The following WDR19 variants were observed in gnomAD, a reference collection of about 807,000 sequenced individuals.
WDR19 encodes the protein WD repeat-containing protein 19.
Under a neutral mutation model 180.0 loss-of-function variants are expected in WDR19, and 121 were observed. The ratio of observed to expected loss-of-function variants is 0.67; its 90% CI spans 0.58 to 0.78. The LOEUF (loss-of-function observed/expected upper bound fraction) is 0.78, where lower values mean the gene tolerates loss of function less well. Ranked by LOEUF, WDR19 falls within the 30% of genes least tolerant of loss-of-function variation. The probability of loss-of-function intolerance (pLI) is 0.00; values close to 1 mark genes in which losing one functional copy is unlikely to be tolerated. For missense variants in WDR19, 1,450 were observed against 1,640.7 expected, an observed-to-expected ratio of 0.88 and a Z score of 2.01; for synonymous variants, 497 against 540.7, an observed-to-expected ratio of 0.92 and a Z score of 1.12.
At chr4:39,227,144 T>C (rs1404311331) in intron 15 of WDR19, among the ~76,000 whole-genome samples, 1 of 152,220 alleles carries the variant, frequency 6.6e-6, no homozygotes, top group Admixed American at 6.6e-5. Context: ...CTTGGCACAT[T>C]TCAGTGCTTA....
At position 39,205,272 on chromosome 4, in the gene WDR19, T is replaced by C. The variant is rs1179554704; in HGVS notation, c.716+6T>C. On this transcript the variant is annotated splice_donor_region_variant and intron_variant, in intron 8 of 36. Coordinates refer to ENST00000399820, the MANE Select transcript of WDR19 (RefSeq NM_025132.4). ...AACATTGTCTGCTATAATTGGTATGTCTGCTATAACTGGTATGTACAAAAA... is the reference window on the plus strand; with the variant it reads ...AACATTGTCTGCTATAATTGGTATGCCTGCTATAACTGGTATGTACAAAAA... 3 of 1,577,600 alleles carry C rather than the reference T, an allele frequency of 1.9e-6. No individual in the cohort carries two copies. The African/African-American group carries it at 4.0e-5, about 21-fold the overall frequency.
At chr4:39,243,478 C>T (rs1395386743) in intron 21 of WDR19, among the ~76,000 whole-genome samples, 1 of 152,132 alleles carries the variant, frequency 6.6e-6, no homozygotes, top group Non-Finnish European at 1.5e-5. Flanking sequence ...ATTGTCTGGT[C>T]ATGTCCTTTG....
chr4:39,230,993 G>A (rs1411438611), intron 17 of WDR19, among the ~76,000 whole-genome samples: 1 of 152,116 alleles, frequency 6.6e-6, no homozygotes, highest in Non-Finnish European at 1.5e-5. Flanking sequence ...GTTGTAGCAG[G>A]AAAGTGGCCA....
chr4:39,261,227 G>T (rs781716707), intron 28 of WDR19, among the ~76,000 whole-genome samples: 1 of 150,736 alleles, frequency 6.6e-6, no homozygotes, highest in African/African-American at 2.4e-5. Context: ...CCTGACCTCC[G>T]GTGATCCACC....
intron 30 of WDR19, among the ~76,000 whole-genome samples, chr4:39,269,265 T>G (rs6531700): frequency 0.51 from 76,765 of 151,824 alleles, 20,774 homozygotes; most frequent in African/African-American, 0.71. Flanking sequence ...TGACCTTGAG[T>G]TGTTTGGGTG....
At chr4:39,203,881 G>C (rs1249634864) in intron 7 of WDR19, among the ~76,000 whole-genome samples, 159 bp downstream of exon 7, 1 of 152,164 alleles carries the variant, frequency 6.6e-6, no homozygotes, top group African/African-American at 2.4e-5. Context: ...CCTAAAAGTT[G>C]TTGTAATTGC....
intron 14 of WDR19, among the ~76,000 whole-genome samples, chr4:39,222,573 AT>A (rs761451041): frequency 2.6e-5 from 4 of 152,192 alleles, no homozygotes; most frequent in Non-Finnish European, 5.9e-5. Context: ...ATTGAGTTAA[AT>A]TTTGTTTATG....
chr4:39,255,985 C>T (rs375892485), intron 27 of WDR19, 25 bp downstream of exon 27: 8 of 1,096,334 alleles, frequency 7.3e-6, no homozygotes, highest in South Asian at 1.4e-5. Flanking sequence ...AGAAAATATA[C>T]ACTGACTCCG....
At chr4:39,265,473 T>G (rs1734697303) in intron 28 of WDR19, among the ~76,000 whole-genome samples, 1 of 151,950 alleles carries the variant, frequency 6.6e-6, no homozygotes, top group Non-Finnish European at 1.5e-5. Context: ...TTAAGAAAGT[T>G]TTTATTAAAA....
chr4:39,201,341 C>T (rs1005392994), intron 6 of WDR19, among the ~76,000 whole-genome samples: 2 of 152,120 alleles, frequency 1.3e-5, no homozygotes, highest in Admixed American at 1.3e-4. Flanking sequence ...TTTATTATTT[C>T]CCTTCATATC....
Position 39,245,432 on chromosome 4 carries a change from A to C in WDR19, c.2709A>C (p.Lys903Asn), listed in dbSNP as rs1394903886. The change falls in exon 24 of 37, where the codon AAA becomes AAC. Residue 903 changes from lysine (K) to asparagine (N), a missense_variant. Physicochemically the swap from Lys to Asn is moderately conservative, Grantham distance 94. Coordinates refer to ENST00000399820, the MANE Select transcript of WDR19 (RefSeq NM_025132.4). ...SSPKIHLQYA[K>N]AKEADGRYKE... The stretch of plus-strand genomic sequence containing the variant: ...CTAAGATCCATTTGCAGTATGCCAA[A>C]GCCAAGGAAGCAGATGGAAGGTTTG... 1 of 1,613,768 alleles carries C rather than the reference A, an allele frequency of 6.2e-7. No individual in the cohort carries two copies. The highest frequency in any genetic ancestry group is 1.3e-5 in the African/African-American group (1 of 75,058).
At chr4:39,194,711 G>C in intron 5 of WDR19, 52 bp downstream of exon 5, 2 of 1,374,324 alleles carry the variant, frequency 1.5e-6, no homozygotes, top group South Asian at 1.3e-5. Context: ...CTACCTCAAT[G>C]TAAATTCTGC....
intron 6 of WDR19, 80 bp downstream of exon 6, chr4:39,199,673 T>C: frequency 1.7e-6 from 2 of 1,164,728 alleles, no homozygotes; most frequent in Non-Finnish European, 1.2e-6. Context: ...AACTAATCTA[T>C]ACAATTTTTA....
At chr4:39,222,693 C>A (rs1729820792) in intron 14 of WDR19, among the ~76,000 whole-genome samples, 1 of 152,148 alleles carries the variant, frequency 6.6e-6, no homozygotes, top group South Asian at 2.1e-4. Flanking sequence ...CAAAATGTTA[C>A]CTTTTTTTAA....
chr4:39,228,399 T>C lies in WDR19; in HGVS notation c.1777+42T>C, dbSNP rs747582039. 3 of 1,602,790 alleles carry C rather than the reference T, an allele frequency of 1.9e-6. No individual in the cohort carries two copies. In the South Asian group the frequency reaches 3.3e-5, roughly 18 times the overall value. ...GTGTATATTCGCTGACAGATGAATT[T>C]CCCATTGCAGTAAAATTAAAACATT... On this transcript the variant is annotated intron_variant, in intron 16 of 36. Coordinates refer to ENST00000399820, the MANE Select transcript of WDR19 (RefSeq NM_025132.4).
At chr4:39,187,086 T>A (rs1324341470) in intron 3 of WDR19, among the ~76,000 whole-genome samples, 2 of 152,182 alleles carry the variant, frequency 1.3e-5, no homozygotes, top group Non-Finnish European at 2.9e-5. Flanking sequence ...GTGTAATCAC[T>A]ACCTATATTA....
intron 24 of WDR19, among the ~76,000 whole-genome samples, chr4:39,251,717 C>T (rs1733209762): frequency 6.6e-6 from 1 of 152,070 alleles, no homozygotes; most frequent in Admixed American, 6.6e-5. Flanking sequence ...AGACACTTCT[C>T]AAAAGAAGAC....
chr4:39,182,586 G>A, intron 1 of WDR19, 23 bp downstream of exon 1: 1 of 1,613,666 alleles, frequency 6.2e-7, no homozygotes, highest in Non-Finnish European at 8.5e-7. Flanking sequence ...CAAATTCCCG[G>A]GGTGGGGCGG....
At chr4:39,220,580 TTTTTG>T (rs1237611399) in intron 14 of WDR19, among the ~76,000 whole-genome samples, 2 of 140,108 alleles carry the variant, frequency 1.4e-5, no homozygotes, top group African/African-American at 5.4e-5. Context: ...TTTTTTTTTT[TTTTTG>T]AGACAGAGTC....
Sources: gnomAD v4.1 joint callset for allele counts (sites outside exome capture counted in the v4.1 genomes callset) on GRCh38, gnomAD v4.1.1 for gene constraint, MANE v1.5 for transcripts, NCBI Gene and HGNC (gene_info 2026-07-23, HGNC 2026-07-21) for gene names.